TNS3: variants seen among roughly 807,000 people sequenced by gnomAD.
TNS3 encodes the protein tensin-3.
TNS3 carries 45 observed loss-of-function variants against 140.9 expected under a neutral mutation model. That is an observed-to-expected ratio of 0.32 (90% CI 0.25 to 0.41). TNS3 has a LOEUF of 0.41. Among genes scored for constraint, TNS3 ranks in the 10% least tolerant of loss-of-function variants. TNS3 has a pLI of 1.00. For synonymous variants in TNS3, 815 were observed against 788.4 expected, an observed-to-expected ratio of 1.03 and a Z score of -0.56; for missense variants, 1,716 against 1,906.7, an observed-to-expected ratio of 0.90 and a Z score of 1.86.
chr7:47,405,142 T>C (rs1363164183), intron 13 of TNS3, among the ~76,000 whole-genome samples: 2 of 152,176 alleles, frequency 1.3e-5, no homozygotes, highest in Non-Finnish European at 2.9e-5. Context: ...AAAAGCACCA[T>C]GTACCAAGAG....
At chr7:47,522,338 G>A (rs1404582155) in intron 2 of TNS3, among the ~76,000 whole-genome samples, 1 of 152,136 alleles carries the variant, frequency 6.6e-6, no homozygotes, top group Non-Finnish European at 1.5e-5. Context: ...CCTCTGCACT[G>A]GTAGTCCATC....
At chr7:47,415,239 G>T in intron 10 of TNS3, 33 bp from the exon 11 acceptor site, 3 of 1,509,142 alleles carry the variant, frequency 2.0e-6, no homozygotes, top group African/African-American at 1.4e-5. Flanking sequence ...ACACTTCCCA[G>T]AAGTGTCTTC....
At chr7:47,551,043 T>A (rs1800047709) in intron 1 of TNS3, among the ~76,000 whole-genome samples, 1 of 152,178 alleles carries the variant, frequency 6.6e-6, no homozygotes, top group African/African-American at 2.4e-5. Flanking sequence ...AAGGAGGGGC[T>A]CAGCCTCTTG....
chr7:47,312,603 T>C (rs974476084), intron 20 of TNS3, among the ~76,000 whole-genome samples: 32 of 152,110 alleles, frequency 2.1e-4, no homozygotes, highest in Non-Finnish European at 2.6e-4. Flanking sequence ...CTCGGGAGGC[T>C]AAGGCAAGAG....
At chr7:47,376,638 A>T (rs1791401237) in intron 16 of TNS3, among the ~76,000 whole-genome samples, 1 of 151,954 alleles carries the variant, frequency 6.6e-6, no homozygotes, top group Non-Finnish European at 1.5e-5. Flanking sequence ...CTGAAATTTA[A>T]ACCAACCTCC....
At chr7:47,482,706 C>G (rs185950202) in intron 3 of TNS3, among the ~76,000 whole-genome samples, 1 of 152,080 alleles carries the variant, frequency 6.6e-6, no homozygotes, top group African/African-American at 2.4e-5. Flanking sequence ...TTCAAACTCA[C>G]TATCAGCATT....
At chr7:47,392,153 A>G (rs890737248) in intron 16 of TNS3, among the ~76,000 whole-genome samples, 26 of 152,056 alleles carry the variant, frequency 1.7e-4, no homozygotes, top group Non-Finnish European at 2.8e-4. Context: ...CAGGGACAGC[A>G]ACTACCCCAG....
At chr7:47,283,524 G>T (rs568146015) in intron 28 of TNS3, among the ~76,000 whole-genome samples, 173 bp downstream of exon 28, 13 of 152,124 alleles carry the variant, frequency 8.5e-5, no homozygotes, top group Non-Finnish European at 1.8e-4. Flanking sequence ...GTTCCTATGT[G>T]GTTCCCAGGA....
At chr7:47,448,993 T>C (rs1396338237) in intron 4 of TNS3, among the ~76,000 whole-genome samples, 1 of 152,228 alleles carries the variant, frequency 6.6e-6, no homozygotes, top group Non-Finnish European at 1.5e-5. Context: ...CTTGTGAGAC[T>C]GTTCACAGAA....
intron 3 of TNS3, among the ~76,000 whole-genome samples, chr7:47,502,817 T>C (rs1798276201): frequency 6.6e-6 from 1 of 152,200 alleles, no homozygotes; most frequent in South Asian, 2.1e-4. Context: ...CTCCTCTTGC[T>C]GCACTCTCCT....
At chr7:47,571,231 C>T (rs1486237846) in intron 1 of TNS3, among the ~76,000 whole-genome samples, 1 of 152,202 alleles carries the variant, frequency 6.6e-6, no homozygotes, top group Non-Finnish European at 1.5e-5. Context: ...TACACAGTGT[C>T]GACAGCTACT....
intron 4 of TNS3, chr7:47,453,320 G>A: frequency 2.2e-6 from 2 of 917,168 alleles, no homozygotes; most frequent in Non-Finnish European, 2.6e-6. Flanking sequence ...CTGAGTGGCT[G>A]TGCCTTCCTG....
chr7:47,287,437 C>T (rs1201937813), intron 27 of TNS3, among the ~76,000 whole-genome samples: 2 of 152,180 alleles, frequency 1.3e-5, no homozygotes, highest in Non-Finnish European at 2.9e-5. Flanking sequence ...TGGACATGAT[C>T]ATCTCAAAGA....
At chr7:47,355,944 T>C (rs1241867634) in intron 17 of TNS3, among the ~76,000 whole-genome samples, 1 of 152,184 alleles carries the variant, frequency 6.6e-6, no homozygotes, top group African/African-American at 2.4e-5. Context: ...ACACACTTCA[T>C]GTCACTGCAT....
intron 16 of TNS3, among the ~76,000 whole-genome samples, chr7:47,386,739 TA>T (rs1305938752): frequency 1.3e-5 from 2 of 152,226 alleles, no homozygotes; most frequent in African/African-American, 2.4e-5. Flanking sequence ...ATCCCCAAAG[TA>T]GGTCAGAATT....
At chr7:47,422,762 C>T (rs1490280146) in intron 10 of TNS3, among the ~76,000 whole-genome samples, 1 of 151,976 alleles carries the variant, frequency 6.6e-6, no homozygotes, top group Non-Finnish European at 1.5e-5. Flanking sequence ...GTGTGCCAAG[C>T]ATTCTGCATG....
At chr7:47,481,825 GGCAAAGACC>G (rs1422367750) in intron 3 of TNS3, 8 of 350,026 alleles carry the variant, frequency 2.3e-5, no homozygotes, top group Non-Finnish European at 3.2e-5. Flanking sequence ...AGTCCTGCAG[GGCAAAGACC>G]CCACCTTGGG....
At chr7:47,420,626 T>C (rs868149819) in intron 10 of TNS3, among the ~76,000 whole-genome samples, 2 of 152,226 alleles carry the variant, frequency 1.3e-5, no homozygotes, top group Admixed American at 6.5e-5. Context: ...ACATGGGAAG[T>C]GGGCCAGCCT....
intron 5 of TNS3, 81 bp from the exon 6 acceptor site, chr7:47,439,739 C>T: frequency 2.8e-6 from 4 of 1,445,314 alleles, no homozygotes; most frequent in South Asian, 1.3e-5. Context: ...GTGAAGACGA[C>T]GGACACTCAT....
Sources: gnomAD v4.1 joint callset for allele counts (sites outside exome capture counted in the v4.1 genomes callset) on GRCh38, gnomAD v4.1.1 for gene constraint, MANE v1.5 for transcripts, NCBI Gene and HGNC (gene_info 2026-07-23, HGNC 2026-07-21) for gene names.